HPSE2: variants seen among roughly 807,000 people sequenced by gnomAD.
HPSE2 encodes heparanase 2 (inactive).
Under a neutral mutation model 60.5 loss-of-function variants are expected in HPSE2, and 38 were observed. The ratio of observed to expected loss-of-function variants is 0.63; its 90% CI spans 0.48 to 0.82. The LOEUF (loss-of-function observed/expected upper bound fraction) is 0.82. Among genes scored for constraint, HPSE2 ranks in the 40% least tolerant of loss-of-function variants. The pLI, the probability that HPSE2 is intolerant of heterozygous loss-of-function variation, is 0.00. For synonymous variants in HPSE2, 295 were observed against 293.2 expected, an observed-to-expected ratio of 1.01 and a Z score of -0.06; for missense variants, 713 against 740.4, an observed-to-expected ratio of 0.96 and a Z score of 0.43.
intron 3 of HPSE2, among the ~76,000 whole-genome samples, chr10:99,044,043 A>G (rs1957801356): frequency 6.6e-6 from 1 of 152,192 alleles, no homozygotes; most frequent in South Asian, 2.1e-4. Flanking sequence ...CAATATGACT[A>G]TCCCTAAGGC....
intron 6 of HPSE2, among the ~76,000 whole-genome samples, chr10:98,677,675 G>T (rs1297014161): frequency 6.6e-6 from 1 of 152,118 alleles, no homozygotes; most frequent in Non-Finnish European, 1.5e-5. Flanking sequence ...TTCTGACCAG[G>T]CCTATTTGAC....
At chr10:99,193,878 A>T (rs959406583) in intron 2 of HPSE2, among the ~76,000 whole-genome samples, 1 of 152,174 alleles carries the variant, frequency 6.6e-6, no homozygotes, top group Non-Finnish European at 1.5e-5. Context: ...CATTGGACAG[A>T]TCATCCAGAT....
chr10:98,829,894 G>A (rs1373261890), intron 3 of HPSE2, among the ~76,000 whole-genome samples: 1 of 151,824 alleles, frequency 6.6e-6, no homozygotes, highest in Non-Finnish European at 1.5e-5. Context: ...GAAAACAACA[G>A]GATACATGTG....
intron 9 of HPSE2, among the ~76,000 whole-genome samples, chr10:98,557,252 C>T (rs757853293): frequency 5.3e-5 from 8 of 152,100 alleles, no homozygotes; most frequent in Non-Finnish European, 7.4e-5. Context: ...ATTCAGACAT[C>T]GAGGTTTTGG....
chr10:98,510,187 T>C (rs917707326), intron 9 of HPSE2, among the ~76,000 whole-genome samples: 1 of 152,220 alleles, frequency 6.6e-6, no homozygotes, highest in Non-Finnish European at 1.5e-5. Flanking sequence ...TGTCTTTACT[T>C]ACTTCACTCA....
chr10:98,988,265 C>T (rs567847850), intron 3 of HPSE2, among the ~76,000 whole-genome samples: 4 of 152,412 alleles, frequency 2.6e-5, no homozygotes, highest in Middle Eastern at 3.4e-3. Context: ...CTACAGTAAC[C>T]AAAACAGCAT....
intron 3 of HPSE2, among the ~76,000 whole-genome samples, chr10:99,052,998 A>G (rs1023826394): frequency 2.0e-5 from 3 of 151,158 alleles, no homozygotes; most frequent in African/African-American, 7.3e-5. Flanking sequence ...ATATATAGAT[A>G]ATTTTAACAG....
At chr10:99,086,337 A>G (rs1402501514) in intron 3 of HPSE2, among the ~76,000 whole-genome samples, 1 of 149,734 alleles carries the variant, frequency 6.7e-6, no homozygotes, top group Non-Finnish European at 1.5e-5. Flanking sequence ...TAATACGGAA[A>G]AGTACTTTCT....
the HPSE2 span, among the ~76,000 whole-genome samples, chr10:99,280,402 T>C: frequency 8.5e-5 from 13 of 152,328 alleles, no homozygotes; most frequent in East Asian, 1.9e-4. Flanking sequence ...ATCTGCTGTA[T>C]AGTAATGCCT....
chr10:98,946,227 TG>T (rs1955179826), intron 3 of HPSE2, among the ~76,000 whole-genome samples: 1 of 152,024 alleles, frequency 6.6e-6, no homozygotes, highest in Non-Finnish European at 1.5e-5. Context: ...TCCAGCACTT[TG>T]GGAGGCCAAG....
At chr10:98,980,136 T>C (rs1410581079) in intron 3 of HPSE2, among the ~76,000 whole-genome samples, 2 of 152,194 alleles carry the variant, frequency 1.3e-5, no homozygotes, top group African/African-American at 2.4e-5. Flanking sequence ...AACCCGAACT[T>C]TGCTACCATC....
intron 6 of HPSE2, among the ~76,000 whole-genome samples, chr10:98,681,813 T>G (rs1364783008): frequency 6.6e-6 from 1 of 152,182 alleles, no homozygotes; most frequent in Non-Finnish European, 1.5e-5. Flanking sequence ...TGTAACTAAT[T>G]GTTCTGGTTT....
At chr10:98,508,743 C>T (rs573539029) in intron 9 of HPSE2, among the ~76,000 whole-genome samples, 33 of 152,194 alleles carry the variant, frequency 2.2e-4, no homozygotes, top group African/African-American at 7.9e-4. Context: ...TTTGGGGCAA[C>T]AGAAAGAGCA....
intron 3 of HPSE2, among the ~76,000 whole-genome samples, chr10:98,860,760 C>T (rs772476083): frequency 7.1e-4 from 108 of 152,122 alleles, no homozygotes; most frequent in Non-Finnish European, 1.3e-3. Context: ...AATTAAAATG[C>T]CAATTTTTTC....
intron 3 of HPSE2, among the ~76,000 whole-genome samples, chr10:99,073,597 C>T (rs1315714231): frequency 6.6e-6 from 1 of 152,064 alleles, no homozygotes; most frequent in Non-Finnish European, 1.5e-5. Flanking sequence ...ATATAACAAA[C>T]CTGCACAATC....
chr10:99,193,998 G>A (rs909382346), intron 2 of HPSE2, among the ~76,000 whole-genome samples: 2 of 151,914 alleles, frequency 1.3e-5, no homozygotes, highest in Non-Finnish European at 1.5e-5. Flanking sequence ...TCGGTACATA[G>A]GTCATTCCCA....
At chr10:99,185,300 G>A (rs1477121889) in intron 2 of HPSE2, among the ~76,000 whole-genome samples, 1 of 151,064 alleles carries the variant, frequency 6.6e-6, no homozygotes, top group Non-Finnish European at 1.5e-5. Context: ...CAAAGACTCT[G>A]TCTCAAAAAA....
chr10:99,114,839 G>C (rs1389623332), intron 3 of HPSE2, among the ~76,000 whole-genome samples: 1 of 150,476 alleles, frequency 6.6e-6, no homozygotes, highest in African/African-American at 2.4e-5. Flanking sequence ...GCGTGAACCC[G>C]GGAGGCAGAG....
chr10:98,966,916 A>G (rs377736534), intron 3 of HPSE2, among the ~76,000 whole-genome samples: 2 of 152,172 alleles, frequency 1.3e-5, no homozygotes, highest in African/African-American at 2.4e-5. Context: ...AAATATATCA[A>G]AAAGATTTTT....
Sources: gnomAD v4.1 joint callset for allele counts (sites outside exome capture counted in the v4.1 genomes callset) on GRCh38, gnomAD v4.1.1 for gene constraint, MANE v1.5 for transcripts, NCBI Gene and HGNC (gene_info 2026-07-23, HGNC 2026-07-21) for gene names.